The following SPTBN5 variants were observed in gnomAD, a reference collection of about 807,000 sequenced individuals.
SPTBN5 encodes spectrin beta, non-erythrocytic 5, also known as spectrin beta chain, non-erythrocytic 5.
In SPTBN5, 513 loss-of-function variants were observed where a neutral mutation model predicts 477.6. That is an observed-to-expected ratio of 1.07 (90% confidence interval 1.00 to 1.16). The LOEUF is 1.16. SPTBN5 is among the 50% of genes most tolerant of loss of function. The pLI is 0.00. For missense variants in SPTBN5, 5,062 were observed against 4,731.8 expected (o/e 1.07, Z -2.05); for synonymous variants, 2,169 against 2,011.7 (o/e 1.08, Z -2.09).
chr15:41,865,854 A>T lies in SPTBN5; in HGVS notation c.6872T>A (p.Leu2291Gln). 6.3e-7 allele frequency: 1 copy of T among 1,582,722 alleles called. No individual in the cohort carries two copies. The highest frequency in any genetic ancestry group is 8.6e-7 in the Non-Finnish European group (1 of 1,164,954). ...GDLGQDLEHC[L>Q]QLRRRLREFR... ...CTCGCGGAGCCGCCGTCGGAGCTGC[A>T]GGCAGTGCTCCAGGTCCTGGCCCAG... is the stretch of plus-strand genomic sequence containing the variant. Residue 2291 changes from leucine to glutamine, a missense_variant, in exon 39 of 68, where the codon CTG becomes CAG. Physicochemically the swap from Leu to Gln is moderately radical, Grantham distance 113. Coordinates refer to ENST00000320955, the MANE Select transcript of SPTBN5 (RefSeq NM_016642.4).
At chr15:41,865,117 G>A (rs1595465437) in intron 39 of SPTBN5, among the ~76,000 whole-genome samples, 2 of 152,150 alleles carry the variant, frequency 1.3e-5, no homozygotes, top group South Asian at 4.1e-4. Flanking sequence ...TACATGTACC[G>A]GGGGACAAGG....
In SPTBN5 at chr15:41,873,367, GCTGT is replaced by G. The variant is rs950048562; in HGVS notation, c.5007+121_5007+124del. 3.7e-4 allele frequency: 269 copies of G among 728,620 alleles called. 1 individual carries two copies. Among genetic ancestry groups the G allele is most frequent in the Non-Finnish European group, 4.8e-4 (208 of 430,678 alleles). The allele number at this position is 728,620 out of a possible 1,614,324, so 45.1% of individuals were successfully genotyped here. On this transcript the variant is annotated intron_variant, in intron 26 of 67. Coordinates refer to ENST00000320955, the MANE Select transcript of SPTBN5 (RefSeq NM_016642.4). ...GATCTGGGTGGGAAGTGGGGATGGG[GCTGT>G]CTGTGTCTCCAGGAAGCAAGAGCAG...
intron 28 of SPTBN5, 72 bp downstream of exon 28, chr15:41,871,710 C>T (rs965636776): frequency 2.0e-5 from 29 of 1,439,038 alleles, no homozygotes; most frequent in East Asian, 1.6e-4. Flanking sequence ...TCCTCCGCCC[C>T]GCCAGAGCCA....
At chr15:41,891,957 C>G (rs764972682) in intron 3 of SPTBN5, among the ~76,000 whole-genome samples, 1 of 152,166 alleles carries the variant, frequency 6.6e-6, no homozygotes, top group Non-Finnish European at 1.5e-5. Flanking sequence ...GGGGCTTACA[C>G]CCTTCCCCAG....
In SPTBN5 at chr15:41,888,012, G is replaced by A; in HGVS notation, c.575C>T (p.Ala192Val). Residue 192 changes from alanine (A) to valine (V), a missense_variant, in exon 5 of 68, where the codon GCC becomes GTC. By Grantham distance (64) the Ala-to-Val change is moderately conservative. Coordinates refer to ENST00000320955, the MANE Select transcript of SPTBN5 (RefSeq NM_016642.4). ...ALLVWCQRKTASYTNVNITDF... is the reference protein window; with the variant it reads ...ALLVWCQRKTVSYTNVNITDF... The stretch of plus-strand genomic sequence containing the variant: ...TGTAATGTTCACGTTGGTGTAGCTG[G>A]CTGTCTTCCGCTGGCACCAGACCAG... The A allele has an allele frequency of 1.3e-6, 2 of 1,594,860 alleles. No homozygotes were observed. The highest frequency in any genetic ancestry group is 1.7e-6 in the Non-Finnish European group (2 of 1,171,026).
intron 25 of SPTBN5, 61 bp downstream of exon 25, chr15:41,873,784 T>C: frequency 3.2e-6 from 5 of 1,581,438 alleles, no homozygotes; most frequent in East Asian, 2.2e-5. Flanking sequence ...GTCCCACAGG[T>C]GGCCCCTCAA....
Position 41,868,102 on chromosome 15 carries a change from G to A in SPTBN5, c.6174C>T (p.Cys2058=), listed in dbSNP as rs752227119. Reference sequence around the variant, plus strand: ...CCGCGAGGATCTCCTCCAGGCGGCCGCACTCTCTGAGGAAGAGCTGCTCCT... The same window carrying A: ...CCGCGAGGATCTCCTCCAGGCGGCCACACTCTCTGAGGAAGAGCTGCTCCT... The part of the protein sequence containing the change: ...EQQEQLFLRE[C]GRLEEILAAQ... The change falls in exon 34 of 68, where the codon TGC becomes TGT. Residue 2058 remains cysteine (C), a synonymous_variant. Transcript: ENST00000320955. 8.4e-5 allele frequency: 135 copies of A among 1,602,672 alleles called. No homozygotes were observed. Among genetic ancestry groups the A allele is most frequent in the East Asian group, 4.5e-5 (2 of 44,594 alleles).
At position 41,868,080 on chromosome 15, in the gene SPTBN5, C is replaced by T. The variant is rs772586493; in HGVS notation, c.6196G>A (p.Ala2066Thr). 6 of 1,601,962 alleles carry T rather than the reference C, an allele frequency of 3.7e-6. No individual in the cohort carries two copies. Among genetic ancestry groups the T allele is most frequent in the East Asian group, 4.5e-5 (2 of 44,744 alleles). Reference protein sequence around the residue: ...RECGRLEEILAAQEVSLKTSA... With the variant: ...RECGRLEEILTAQEVSLKTSA... Reference sequence around the variant, plus strand: ...GGGAGGGGACCTGCCTCCTGGGCCGCGAGGATCTCCTCCAGGCGGCCGCAC... The same window carrying T: ...GGGAGGGGACCTGCCTCCTGGGCCGTGAGGATCTCCTCCAGGCGGCCGCAC... Residue 2066 changes from alanine (A) to threonine (T), a missense_variant, in exon 34 of 68, where the codon GCG becomes ACG. Physicochemically the swap from Ala to Thr is moderately conservative, Grantham distance 58. Coordinates refer to ENST00000320955, the MANE Select transcript of SPTBN5 (RefSeq NM_016642.4).
intron 26 of SPTBN5, among the ~76,000 whole-genome samples, 189 bp from the exon 27 acceptor site, chr15:41,872,648 T>C (rs534016325): frequency 2.0e-5 from 3 of 152,224 alleles, no homozygotes; most frequent in South Asian, 2.1e-4. Context: ...TAAGTACTTA[T>C]TGTTCCATAA....
chr15:41,879,376 C>T lies in SPTBN5; in HGVS notation c.3066G>A (p.Gln1022=). Residue 1022 remains glutamine, a synonymous_variant, in exon 16 of 68, where the codon CAG becomes CAA. Coordinates refer to ENST00000320955, the MANE Select transcript of SPTBN5 (RefSeq NM_016642.4). Reference sequence around the variant, plus strand: ...AGCTCCCTGGCTGCAGGGCCTCCAGCTGGAGGAGCACGTCTCGCAGCTGGA... The same window carrying T: ...AGCTCCCTGGCTGCAGGGCCTCCAGTTGGAGGAGCACGTCTCGCAGCTGGA... ...TQVQLRDVLL[Q]LEALQPGSSE... is the part of the protein sequence containing the mutation. The T allele has an allele frequency of 1.2e-6, 2 of 1,610,566 alleles. No individual in the cohort carries two copies. The highest frequency in any genetic ancestry group is 1.7e-6 in the Non-Finnish European group (2 of 1,179,842).
chr15:41,853,974 G>T, intron 57 of SPTBN5, 76 bp downstream of exon 57: 5 of 1,482,160 alleles, frequency 3.4e-6, no homozygotes, highest in Non-Finnish European at 4.5e-6. Context: ...TGGGGTGGGA[G>T]GGCTGAGATA....
Position 41,862,375 on chromosome 15 carries a change from C to A in SPTBN5, c.7386-83G>T. The A allele has an allele frequency of 6.5e-7, 1 of 1,526,750 alleles. No homozygotes were observed. The highest frequency in any genetic ancestry group is 8.8e-7 in the Non-Finnish European group (1 of 1,137,490). 94.6% of individuals were successfully genotyped at this position (1,526,750 alleles called of 1,614,324 possible). On this transcript the variant is annotated intron_variant, in intron 43 of 67. Transcript: ENST00000320955. ...CACTGGTGTCTTCTGTCCCTTAATC[C>A]CCTCAACCACAGGAGGGCCCATGGG... is the stretch of plus-strand genomic sequence containing the variant.
intron 39 of SPTBN5, among the ~76,000 whole-genome samples, chr15:41,864,678 T>C (rs1229042239): frequency 6.6e-6 from 1 of 152,174 alleles, no homozygotes; most frequent in Non-Finnish European, 1.5e-5. Flanking sequence ...GGTTGTGGAA[T>C]GGAACAGTGA....
Position 41,852,947 on chromosome 15 carries a change from A to G in SPTBN5, c.10224T>C (p.Ala3408=). The G allele has an allele frequency of 6.3e-7, 1 of 1,576,496 alleles. No homozygotes were observed. The highest frequency in any genetic ancestry group is 8.6e-7 in the Non-Finnish European group (1 of 1,161,788). The change falls in exon 60 of 68, where the codon GCT becomes GCC. Residue 3408 remains alanine, a synonymous_variant. Transcript: ENST00000320955. ...CACAGCGTTGCCAGCGCAGGGCCCA[A>G]GCCTCCTCCAGCTCCTGCAGCCGCC... ...LEGRLQELEE[A]WALRWQRCAE...
In SPTBN5 at chr15:41,873,527, C is replaced by A. The variant is rs1317525029; in HGVS notation, c.4972G>T (p.Glu1658Ter). The change falls in exon 26 of 68, where the codon GAG (glutamate) becomes TAG (stop). Residue 1658 changes from glutamate (E) to a stop codon, truncating the protein, a stop_gained. Coordinates refer to ENST00000320955, the MANE Select transcript of SPTBN5 (RefSeq NM_016642.4). LOFTEE classifies it high-confidence loss of function. The stretch of plus-strand genomic sequence containing the variant: ...TTAATGAGCCTGAGGGTGGCTGCCT[C>A]GTCTCTGCCATAGTCCCGACTGCTC... The part of the protein sequence containing the change: ...LVSSRDYGRD[E>*]AATLRLINKH... 2.6e-6 allele frequency: 4 copies of A among 1,551,908 alleles called. No homozygotes were observed. The highest frequency in any genetic ancestry group is 2.6e-6 in the Non-Finnish European group (3 of 1,147,118).
chr15:41,851,511 CAG>C, intron 63 of SPTBN5, 142 bp from the exon 64 acceptor site: 1 of 515,160 alleles, frequency 1.9e-6, no homozygotes. Flanking sequence ...AGGGAAGCCA[CAG>C]AGGGGCTCTG....
rs749521069 is a variant in SPTBN5, at chr15:41,855,537, G to T, written c.9218+12C>A. On this transcript the variant is annotated intron_variant, in intron 54 of 67. Coordinates refer to ENST00000320955, the MANE Select transcript of SPTBN5 (RefSeq NM_016642.4). ...TCTCTGCTCCTTCGCGGATGGTGTG[G>T]CTTCCGCCCACCTTTCTGGGTTCTT... 3 of 1,606,288 alleles carry T rather than the reference G, an allele frequency of 1.9e-6. No homozygotes were observed. In the African/African-American group the frequency reaches 4.0e-5, roughly 22 times the overall value.
intron 7 of SPTBN5, among the ~76,000 whole-genome samples, chr15:41,884,535 G>A (rs113707835): frequency 0.035 from 5,324 of 152,138 alleles, 170 homozygotes; most frequent in South Asian, 0.047. Context: ...CTGCTGCTCC[G>A]TCCTGGATTA....
intron 12 of SPTBN5, 112 bp downstream of exon 12, chr15:41,881,824 G>A (rs2066962654): frequency 1.9e-5 from 20 of 1,050,312 alleles, no homozygotes; most frequent in Non-Finnish European, 2.5e-5. Flanking sequence ...CCACGGGAAG[G>A]CCACGAATCC....
Sources: gnomAD v4.1 joint callset for allele counts (sites outside exome capture counted in the v4.1 genomes callset) on GRCh38, gnomAD v4.1.1 for gene constraint, MANE v1.5 for transcripts, NCBI Gene and HGNC (gene_info 2026-07-23, HGNC 2026-07-21) for gene names.